CDH18: variants seen among roughly 807,000 people sequenced by gnomAD.
CDH18 encodes cadherin-18.
In CDH18, 31 loss-of-function variants were observed where a neutral mutation model predicts 67.9. The observed-to-expected ratio is 0.46, with a 90% confidence interval of 0.34 to 0.62. The LOEUF (loss-of-function observed/expected upper bound fraction) is 0.62, where lower values mean the gene tolerates loss of function less well. Ranked by LOEUF, CDH18 falls within the 20% of genes least tolerant of loss-of-function variation. The probability of loss-of-function intolerance (pLI) is 0.01; values close to 1 mark genes in which losing one functional copy is unlikely to be tolerated. For missense variants in CDH18, 890 were observed against 975.5 expected, an observed-to-expected ratio of 0.91 and a Z score of 1.17; for synonymous variants, 362 against 347.2, an observed-to-expected ratio of 1.04 and a Z score of -0.48.
chr5:20,492,446 T>G (rs998510425), intron 1 of CDH18, among the ~76,000 whole-genome samples: 3 of 152,158 alleles, frequency 2.0e-5, no homozygotes, highest in Admixed American at 1.3e-4. Flanking sequence ...TTTTTTGAAC[T>G]TTCCCTAGTA....
chr5:19,642,746 T>G (rs1754194756), intron 5 of CDH18, among the ~76,000 whole-genome samples: 2 of 152,010 alleles, frequency 1.3e-5, no homozygotes, highest in Non-Finnish European at 2.9e-5. Context: ...GGGGAAGGCT[T>G]CTTGCTATTT....
At chr5:20,346,349 C>G (rs1028109796) in intron 1 of CDH18, among the ~76,000 whole-genome samples, 25 of 152,120 alleles carry the variant, frequency 1.6e-4, no homozygotes, top group African/African-American at 4.8e-4. Flanking sequence ...ACAGTTAATG[C>G]CTACATTCAT....
Position 19,512,942 on chromosome 5 carries a change from C to T in CDH18, c.1512+7715G>A, listed in dbSNP as rs553320163. Among the ~76,000 whole-genome samples, 68 of 152,020 alleles carry T rather than the reference C, an allele frequency of 4.5e-4. 1 individual carries two copies. Among genetic ancestry groups the T allele is most frequent in the African/African-American group, 1.6e-3 (68 of 41,490 alleles). On this transcript the variant is annotated intron_variant, in intron 10 of 12. Transcript: ENST00000382275. ...CAAAAATGATCCTGCCACCCTTTTT[C>T]TGAACTCTTGAATACCTTTTACAAT...
intron 2 of CDH18, among the ~76,000 whole-genome samples, chr5:20,139,336 A>C (rs1416110869): frequency 6.6e-6 from 1 of 152,184 alleles, no homozygotes; most frequent in East Asian, 1.9e-4. Flanking sequence ...TAAAGACTTA[A>C]ATGTTAGACC....
chr5:19,739,893 T>A (rs183600187), intron 4 of CDH18, among the ~76,000 whole-genome samples: 14 of 151,972 alleles, frequency 9.2e-5, no homozygotes, highest in African/African-American at 3.4e-4. Flanking sequence ...AGAAGCACAA[T>A]AAAGTCAGCA....
chr5:19,865,053 C>CA (rs1733275808), intron 2 of CDH18, among the ~76,000 whole-genome samples: 2 of 152,138 alleles, frequency 1.3e-5, no homozygotes, highest in African/African-American at 4.8e-5. Context: ...GATGCACAGA[C>CA]ACCTTTTTAC....
chr5:19,688,381 T>C (rs1171204186), intron 5 of CDH18, among the ~76,000 whole-genome samples: 1 of 152,184 alleles, frequency 6.6e-6, no homozygotes, highest in Non-Finnish European at 1.5e-5. Flanking sequence ...AACCTCACTA[T>C]AGCCTTACAA....
chr5:20,289,137 C>A (rs1746913690), intron 1 of CDH18, among the ~76,000 whole-genome samples: 1 of 151,826 alleles, frequency 6.6e-6, no homozygotes, highest in African/African-American at 2.4e-5. Flanking sequence ...TTTGGCTAGT[C>A]TTTATTCCAC....
chr5:19,954,048 T>C (rs1179906261), intron 2 of CDH18, among the ~76,000 whole-genome samples: 1 of 152,048 alleles, frequency 6.6e-6, no homozygotes, highest in African/African-American at 2.4e-5. Flanking sequence ...TTTACAGAAG[T>C]TGATTCTACC....
intron 1 of CDH18, among the ~76,000 whole-genome samples, chr5:20,573,523 A>T (rs1469093250): frequency 6.6e-6 from 1 of 151,618 alleles, no homozygotes; most frequent in East Asian, 1.9e-4. Flanking sequence ...AAACAAAGTT[A>T]CATCCTTGAA....
At chr5:20,453,983 A>T (rs1316104601) in intron 1 of CDH18, among the ~76,000 whole-genome samples, 1 of 152,156 alleles carries the variant, frequency 6.6e-6, no homozygotes, top group African/African-American at 2.4e-5. Flanking sequence ...AAGTCAGACT[A>T]CTGTTATGGA....
chr5:20,194,210 A>T (rs1011213370), intron 2 of CDH18, among the ~76,000 whole-genome samples: 7 of 152,160 alleles, frequency 4.6e-5, no homozygotes, highest in African/African-American at 1.2e-4. Context: ...TTTTATATTT[A>T]GAAAACCCCA....
intron 1 of CDH18, among the ~76,000 whole-genome samples, chr5:20,360,525 CA>C (rs1742005951): frequency 6.6e-6 from 1 of 152,126 alleles, no homozygotes; most frequent in East Asian, 1.9e-4. Flanking sequence ...AATTAGGTGC[CA>C]AATGGCAACA....
At chr5:20,406,870 G>A (rs1416560069) in intron 1 of CDH18, among the ~76,000 whole-genome samples, 4 of 152,092 alleles carry the variant, frequency 2.6e-5, no homozygotes, top group African/African-American at 4.8e-5. Flanking sequence ...GGCATGCTTC[G>A]TTAGCCACAT....
intron 3 of CDH18, among the ~76,000 whole-genome samples, chr5:19,791,676 C>T (rs1471834776): frequency 6.6e-6 from 1 of 152,104 alleles, no homozygotes; most frequent in Non-Finnish European, 1.5e-5. Context: ...AACACAGTTC[C>T]AGTCCCAACT....
intron 2 of CDH18, among the ~76,000 whole-genome samples, chr5:20,197,175 C>G (rs1273392663): frequency 6.6e-6 from 1 of 152,060 alleles, no homozygotes; most frequent in Non-Finnish European, 1.5e-5. Context: ...CCACACCTGG[C>G]TAATTATTTG....
In CDH18 at chr5:19,954,864, GA is replaced by G. The variant is rs1796113362; in HGVS notation, c.-257+26195del. Reference sequence around the variant, plus strand: ...ATAACAATCTCAGGAAAAAAAAAAAGAGTTATTGGGACTGAAGATACGACTG... The same window carrying G: ...ATAACAATCTCAGGAAAAAAAAAAAGGTTATTGGGACTGAAGATACGACTG... On this transcript the variant is annotated intron_variant, in intron 2 of 12. Transcript: ENST00000382275. Among the ~76,000 whole-genome samples the G allele has an allele frequency of 2.7e-5, 4 of 147,108 alleles. No individual in the cohort carries two copies. The East Asian group carries it at 8.1e-4, about 30-fold the overall frequency.
Position 20,010,159 on chromosome 5 carries a change from GGTGTGTGTGTGT to G in CDH18, c.-517-18157_-517-18146del, listed in dbSNP as rs35461877. ...TTTACCACACAACCTAGTGGAAAGT[GGTGTGTGTGTGT>G]GTGTGTGTGTGTGTGTGTGTAACCT... On this transcript the variant is annotated intron_variant, in intron 2 of 14. Coordinates refer to the CDH18 transcript ENST00000507958. 7.9e-4 allele frequency among the ~76,000 whole-genome samples: 115 copies of G among 146,294 alleles called. 1 individual carries two copies. The highest frequency in any genetic ancestry group is 2.0e-4 in the Non-Finnish European group (13 of 66,576).
At chr5:20,263,950 A>C (rs532353766) in intron 1 of CDH18, among the ~76,000 whole-genome samples, 3 of 152,142 alleles carry the variant, frequency 2.0e-5, no homozygotes, top group African/African-American at 7.2e-5. Context: ...ATACAAATAC[A>C]TAACAGTATG....
Sources: allele counts gnomAD v4.1 joint callset (sites outside exome capture counted in the v4.1 genomes callset), GRCh38; gene constraint gnomAD v4.1.1; transcripts MANE v1.5; gene names NCBI Gene and HGNC (gene_info 2026-07-23, HGNC 2026-07-21).